The following BTBD16 variants were observed in gnomAD, a reference collection of about 807,000 sequenced individuals.
The protein encoded by BTBD16 is BTB/POZ domain-containing protein 16.
BTBD16 carries 66 observed loss-of-function variants against 67.4 expected under a neutral mutation model. The ratio of observed to expected loss-of-function variants is 0.98; its 90% confidence interval spans 0.80 to 1.20. BTBD16 has a LOEUF of 1.20. Among genes scored for constraint, BTBD16 ranks in the 50% most tolerant of loss-of-function variants. The pLI is 0.00. For missense variants in BTBD16, 634 were observed against 616.0 expected (o/e 1.03, Z -0.31); for synonymous variants, 242 against 236.4 (o/e 1.02, Z -0.22).
At chr10:122,282,314 G>C (rs2096354795) in intron 3 of BTBD16, among the ~76,000 whole-genome samples, 1 of 151,922 alleles carries the variant, frequency 6.6e-6, no homozygotes. Context: ...GGGTGGCTTG[G>C]GTCAGATCTC....
intron 3 of BTBD16, among the ~76,000 whole-genome samples, chr10:122,278,653 C>T (rs2096346043): frequency 6.6e-6 from 1 of 152,220 alleles, no homozygotes; most frequent in African/African-American, 2.4e-5. Flanking sequence ...GTTCCTTCCT[C>T]CAGGACAACA....
At chr10:122,283,319 C>T (rs570629564) in intron 3 of BTBD16, among the ~76,000 whole-genome samples, 64 of 152,332 alleles carry the variant, frequency 4.2e-4, no homozygotes, top group African/African-American at 1.5e-3. Flanking sequence ...TAACAACACT[C>T]AGCATGCTGG....
At chr10:122,297,892 C>A in intron 8 of BTBD16, 55 bp downstream of exon 8, 1 of 1,547,146 alleles carries the variant, frequency 6.5e-7, no homozygotes, top group Non-Finnish European at 8.9e-7. Context: ...TCAGGAGCAG[C>A]CTAGATGCTG....
chr10:122,320,819 A>G (rs1334067288), intron 10 of BTBD16, among the ~76,000 whole-genome samples: 1 of 152,116 alleles, frequency 6.6e-6, no homozygotes, highest in Non-Finnish European at 1.5e-5. Context: ...AAATTTTTTA[A>G]AAGTCTTTAT....
chr10:122,293,579 A>G, intron 7 of BTBD16, among the ~76,000 whole-genome samples: 1 of 152,170 alleles, frequency 6.6e-6, no homozygotes, highest in Middle Eastern at 3.2e-3. Context: ...CAACTGGTGT[A>G]GCGTCTTAGA....
intron 3 of BTBD16, among the ~76,000 whole-genome samples, chr10:122,283,497 A>T (rs1156810276): frequency 6.6e-6 from 1 of 152,134 alleles, no homozygotes; most frequent in Admixed American, 6.5e-5. Context: ...AATGAGCAGA[A>T]CCCTCTATTC....
chr10:122,289,847 TC>T, intron 5 of BTBD16, 61 bp from the exon 6 acceptor site: 1 of 1,254,114 alleles, frequency 8.0e-7, no homozygotes, highest in Non-Finnish European at 1.2e-6. Context: ...GGTGGGTGCC[TC>T]CCACTGTGTC....
chr10:122,327,601 T>C (rs1184278201), intron 10 of BTBD16: 1 of 985,246 alleles, frequency 1.0e-6, no homozygotes, highest in Non-Finnish European at 1.2e-6. Context: ...GATGATGAGA[T>C]GACTCATGGC....
chr10:122,297,498 G>A (rs182260492), intron 7 of BTBD16, among the ~76,000 whole-genome samples: 2 of 152,318 alleles, frequency 1.3e-5, no homozygotes, highest in African/African-American at 2.4e-5. Context: ...TGGCACTTCA[G>A]CTTTGAGCAA....
At chr10:122,306,852 G>T (rs575457221) in intron 9 of BTBD16, among the ~76,000 whole-genome samples, 4 of 152,174 alleles carry the variant, frequency 2.6e-5, no homozygotes, top group Admixed American at 6.5e-5. Flanking sequence ...TTGCAGGATG[G>T]TTGTGTGGAA....
At position 122,331,174 on chromosome 10, in the gene BTBD16, A is replaced by G. The variant is rs746758454; in HGVS notation, c.1004-2A>G. On this transcript the variant is annotated splice_acceptor_variant, in intron 11 of 15. Transcript: ENST00000260723. LOFTEE classifies it high-confidence loss of function. ...AAACATTCTCTTTGCGTTTCTTCCC[A>G]GGCAAGGATCTGGAGGTGCTGCGGC... is the stretch of plus-strand genomic sequence containing the variant. 21 of 1,609,946 alleles carry G rather than the reference A, an allele frequency of 1.3e-5. No individual in the cohort carries two copies. The highest frequency in any genetic ancestry group is 5.1e-5 in the Admixed American group (3 of 58,910).
chr10:122,328,730 GA>G, intron 10 of BTBD16: 1 of 984,892 alleles, frequency 1.0e-6, no homozygotes, highest in Non-Finnish European at 1.2e-6. Flanking sequence ...CCCCATTTAT[GA>G]AAAGTGACCA....
chr10:122,297,822 C>G lies in BTBD16; in HGVS notation c.645C>G (p.Tyr215Ter). 6.2e-7 allele frequency: 1 copy of G among 1,614,122 alleles called. No individual in the cohort carries two copies. The highest frequency in any genetic ancestry group is 8.5e-7 in the Non-Finnish European group (1 of 1,180,000). The change falls in exon 8 of 16, where the codon TAC (tyrosine) becomes TAG (stop). Residue 215 changes from tyrosine to a stop codon, truncating the protein, a stop_gained. Transcript: ENST00000260723. LOFTEE classifies it high-confidence loss of function. The stretch of plus-strand genomic sequence containing the variant: ...AGCCAAGCACCATCAAGAAATTCTA[C>G]GAGGCCGGCTGCAAGGTGAGAACAA... ...RLKPSTIKKF[Y>*]EAGCKYKEEQ...
chr10:122,283,692 C>T (rs923907467), intron 3 of BTBD16, 159 bp from the exon 4 acceptor site: 87 of 163,190 alleles, frequency 5.3e-4, no homozygotes, highest in African/African-American at 1.9e-3. Flanking sequence ...TTTTTCAGAT[C>T]GGCAAATGGT....
chr10:122,279,511 A>AACACACATAC (rs1554886540), intron 3 of BTBD16, among the ~76,000 whole-genome samples: 77 of 143,978 alleles, frequency 5.3e-4, no homozygotes, highest in Admixed American at 9.0e-4. Flanking sequence ...GAGAAAGAGA[A>AACACACATAC]ACACACACAC....
At chr10:122,304,535 G>A (rs892699287) in intron 9 of BTBD16, among the ~76,000 whole-genome samples, 14 of 150,702 alleles carry the variant, frequency 9.3e-5, no homozygotes, top group East Asian at 2.0e-4. Flanking sequence ...CTGACATTAC[G>A]GGGTAGCAGG....
chr10:122,297,769 T>G lies in BTBD16; in HGVS notation c.592T>G (p.Cys198Gly), dbSNP rs1358488420. Residue 198 changes from cysteine to glycine, a missense_variant and splice_region_variant, in exon 8 of 16, where the codon TGC (cysteine) becomes GGC (glycine). Cys to Gly is a radical substitution (Grantham distance 159). Transcript: ENST00000260723. ...GAAACTGCAGTTCTCTCTCTCCAGG[T>G]GCGTGGATGTGATGATAGCCAGACT... Reference protein sequence around the residue: ...ILQFSGLFQRCVDVMIARLKP... With the variant: ...ILQFSGLFQRGVDVMIARLKP... 2.5e-6 allele frequency: 4 copies of G among 1,614,086 alleles called. No individual in the cohort carries two copies. The highest frequency in any genetic ancestry group is 3.4e-6 in the Non-Finnish European group (4 of 1,179,988).
chr10:122,285,772 A>G (rs1220278476), intron 4 of BTBD16, among the ~76,000 whole-genome samples: 1 of 152,082 alleles, frequency 6.6e-6, no homozygotes, highest in Non-Finnish European at 1.5e-5. Context: ...TGCCCCAGAC[A>G]ATGTCCTCGT....
rs1020082202 is a variant in BTBD16, at chr10:122,296,552, G to A, written c.591-1216G>A. Among the ~76,000 whole-genome samples the A allele has an allele frequency of 7.2e-5, 11 of 152,208 alleles. No homozygotes were observed. The South Asian group carries it at 2.3e-3, about 32-fold the overall frequency. On this transcript the variant is annotated intron_variant, in intron 7 of 15. Coordinates refer to ENST00000260723, the MANE Select transcript of BTBD16 (RefSeq NM_144587.5). ...CCCAGTGGCTACTCTCGGGTGCCCT[G>A]CTCAATGAAGTGAACATACTTCAAA... is the stretch of plus-strand genomic sequence containing the variant.
Sources: gnomAD v4.1 joint callset for allele counts (sites outside exome capture counted in the v4.1 genomes callset) on GRCh38, gnomAD v4.1.1 for gene constraint, MANE v1.5 for transcripts, NCBI Gene and HGNC (gene_info 2026-07-23, HGNC 2026-07-21) for gene names.